SND1: variants seen among roughly 807,000 people sequenced by gnomAD.
SND1 encodes staphylococcal nuclease domain-containing protein 1.
In SND1, 38 loss-of-function variants were observed where a neutral mutation model predicts 121.7. That is an observed-to-expected ratio of 0.31 (90% CI 0.24 to 0.41). The LOEUF is 0.41. Ranked by LOEUF, SND1 falls within the 10% of genes least tolerant of loss-of-function variation. SND1 has a pLI of 1.00. For synonymous variants in SND1, 401 were observed against 447.4 expected, an observed-to-expected ratio of 0.90 and a Z score of 1.31; for missense variants, 868 against 1,184.6, an observed-to-expected ratio of 0.73 and a Z score of 3.92.
chr7:127,868,638 G>A (rs1266916954), intron 12 of SND1, among the ~76,000 whole-genome samples: 2 of 152,110 alleles, frequency 1.3e-5, no homozygotes, highest in African/African-American at 4.8e-5. Context: ...GGTCAAGTTA[G>A]TCCGCTTGGT....
At chr7:127,720,866 C>G (rs915978372) in intron 9 of SND1, among the ~76,000 whole-genome samples, 3 of 152,248 alleles carry the variant, frequency 2.0e-5, no homozygotes, top group African/African-American at 7.2e-5. Context: ...TCTTTCTCAT[C>G]TAGTGCTGGT....
At chr7:128,068,990 G>A (rs1249056678) in intron 16 of SND1, among the ~76,000 whole-genome samples, 2 of 152,230 alleles carry the variant, frequency 1.3e-5, no homozygotes, top group Admixed American at 6.5e-5. Flanking sequence ...GTCCAGCGTC[G>A]AGCTGCTCTC....
chr7:127,822,806 T>TCA (rs1255174807), intron 11 of SND1, among the ~76,000 whole-genome samples: 3 of 152,238 alleles, frequency 2.0e-5, no homozygotes, highest in African/African-American at 7.2e-5. Context: ...TGAGGTACTT[T>TCA]ATCATTTAAT....
intron 18 of SND1, 142 bp downstream of exon 18, chr7:128,081,643 C>T: frequency 1.2e-6 from 1 of 868,956 alleles, no homozygotes; most frequent in Non-Finnish European, 1.8e-6. Flanking sequence ...ACGTTGCCGC[C>T]CCTGTCTCCC....
At chr7:127,668,414 G>T (rs1301139938) in intron 1 of SND1, among the ~76,000 whole-genome samples, 3 of 152,204 alleles carry the variant, frequency 2.0e-5, no homozygotes, top group Non-Finnish European at 2.9e-5. Context: ...ACTCGTGACA[G>T]TATTACATAA....
At chr7:128,053,431 C>G (rs1361989120) in intron 16 of SND1, among the ~76,000 whole-genome samples, 2 of 152,114 alleles carry the variant, frequency 1.3e-5, no homozygotes, top group Non-Finnish European at 2.9e-5. Flanking sequence ...CTTAGCCTGC[C>G]CTGTCTTCAG....
intron 16 of SND1, among the ~76,000 whole-genome samples, chr7:128,019,083 C>T (rs1035936672): frequency 2.6e-5 from 4 of 152,172 alleles, no homozygotes; most frequent in African/African-American, 9.7e-5. Flanking sequence ...CTCCAAAGAC[C>T]TGCCCCCCTC....
At chr7:128,069,868 A>G (rs747001937) in intron 16 of SND1, among the ~76,000 whole-genome samples, 1 of 152,218 alleles carries the variant, frequency 6.6e-6, no homozygotes, top group Non-Finnish European at 1.5e-5. Context: ...CATGCTGTAC[A>G]CTGCCCCACA....
At chr7:127,836,696 C>T (rs746553812) in intron 11 of SND1, among the ~76,000 whole-genome samples, 2 of 152,094 alleles carry the variant, frequency 1.3e-5, no homozygotes, top group Non-Finnish European at 2.9e-5. Flanking sequence ...TTAACAGAAG[C>T]CTTAATTATT....
intron 16 of SND1, among the ~76,000 whole-genome samples, chr7:128,020,321 C>T (rs1803317577): frequency 6.6e-6 from 1 of 152,238 alleles, no homozygotes; most frequent in South Asian, 2.1e-4. Context: ...AAACTGCAAA[C>T]TCCAGGGGGC....
At chr7:127,766,894 A>G (rs548503080) in intron 10 of SND1, among the ~76,000 whole-genome samples, 7 of 144,472 alleles carry the variant, frequency 4.8e-5, no homozygotes, top group Admixed American at 4.3e-4. Flanking sequence ...CACTGTTTGT[A>G]TGTAATTTAG....
intron 10 of SND1, among the ~76,000 whole-genome samples, chr7:127,737,377 C>G (rs1053717978): frequency 4.6e-5 from 7 of 152,192 alleles, no homozygotes; most frequent in African/African-American, 1.4e-4. Context: ...GAGTTTGAGA[C>G]CAGCCTGGCC....
intron 10 of SND1, among the ~76,000 whole-genome samples, chr7:127,724,340 A>G (rs980819355): frequency 6.6e-6 from 1 of 152,238 alleles, no homozygotes; most frequent in Non-Finnish European, 1.5e-5. Flanking sequence ...GTGGGAGAAG[A>G]CAGTTTCTGA....
At chr7:128,047,938 C>T (rs1044716960) in intron 16 of SND1, among the ~76,000 whole-genome samples, 1 of 150,002 alleles carries the variant, frequency 6.7e-6, no homozygotes, top group African/African-American at 2.5e-5. Context: ...ACCTCGGCCT[C>T]CCGGGTTCAA....
At chr7:127,704,966 C>T (rs1438682083) in intron 8 of SND1, 21 bp downstream of exon 8, 1 of 1,589,250 alleles carries the variant, frequency 6.3e-7, no homozygotes, top group Non-Finnish European at 8.6e-7. Flanking sequence ...TCCAAGAGGC[C>T]TTCCAGCTGT....
intron 16 of SND1, among the ~76,000 whole-genome samples, chr7:128,069,623 C>T (rs928104153): frequency 4.6e-5 from 7 of 152,226 alleles, no homozygotes; most frequent in Admixed American, 4.6e-4. Context: ...AATGAAATAA[C>T]TGCCCCTACC....
intron 15 of SND1, among the ~76,000 whole-genome samples, chr7:127,936,602 C>T (rs1801067041): frequency 6.6e-6 from 1 of 152,030 alleles, no homozygotes; most frequent in South Asian, 2.1e-4. Flanking sequence ...GGCTACAGTG[C>T]AGTGGCCCCA....
At chr7:128,028,456 T>C (rs1166400333) in intron 16 of SND1, 1 of 472,086 alleles carries the variant, frequency 2.1e-6, no homozygotes, top group African/African-American at 2.0e-5. Flanking sequence ...CCCACAACGT[T>C]CCCAAGATTC....
intron 10 of SND1, among the ~76,000 whole-genome samples, chr7:127,722,516 A>G (rs1487266371): frequency 6.6e-6 from 1 of 152,002 alleles, no homozygotes; most frequent in Non-Finnish European, 1.5e-5. Context: ...GCCTTTATAC[A>G]AAAAGGATGG....
Sources: allele counts gnomAD v4.1 joint callset (sites outside exome capture counted in the v4.1 genomes callset), GRCh38; gene constraint gnomAD v4.1.1; transcripts MANE v1.5; gene names NCBI Gene and HGNC (gene_info 2026-07-23, HGNC 2026-07-21).